Variants in ADAM2 observed in about 807,000 individuals in gnomAD.
The protein encoded by ADAM2 is ADAM metallopeptidase domain 2.
ADAM2 carries 101 observed loss-of-function variants against 99.3 expected under a neutral mutation model. That is an observed-to-expected ratio of 1.02 (90% CI 0.87 to 1.20). The LOEUF is 1.20. ADAM2 is among the 50% of genes most tolerant of loss of function. The probability of loss-of-function intolerance (pLI) is 0.00; values close to 1 mark genes in which losing one functional copy is unlikely to be tolerated. For synonymous variants in ADAM2, 323 were observed against 287.6 expected (o/e 1.12, Z -1.25); for missense variants, 948 against 878.7 (o/e 1.08, Z -1.00).
intron 4 of ADAM2, 146 bp downstream of exon 4, chr8:39,824,673 T>A: frequency 1.6e-6 from 1 of 631,604 alleles, no homozygotes; most frequent in South Asian, 1.9e-5. Context: ...ACTCAGTACA[T>A]CAGTATACAT....
intron 3 of ADAM2, among the ~76,000 whole-genome samples, chr8:39,832,740 T>C (rs1805667607): frequency 6.6e-6 from 1 of 152,168 alleles, no homozygotes; most frequent in Non-Finnish European, 1.5e-5. Flanking sequence ...TCACTGAGGA[T>C]ATGGTTACTA....
chr8:39,792,248 C>A (rs1281847483), intron 7 of ADAM2, among the ~76,000 whole-genome samples: 1 of 151,734 alleles, frequency 6.6e-6, no homozygotes, highest in Non-Finnish European at 1.5e-5. Flanking sequence ...AATGGCAAAA[C>A]CTTACTAAAC....
At chr8:39,822,446 C>T (rs1345867445) in intron 4 of ADAM2, among the ~76,000 whole-genome samples, 1 of 151,096 alleles carries the variant, frequency 6.6e-6, no homozygotes, top group Non-Finnish European at 1.5e-5. Flanking sequence ...CAAAAAGCTT[C>T]ACTTATTACC....
chr8:39,748,903 A>T (rs1354446187), intron 18 of ADAM2, among the ~76,000 whole-genome samples: 1 of 152,146 alleles, frequency 6.6e-6, no homozygotes, highest in Non-Finnish European at 1.5e-5. Flanking sequence ...ATAGTTATAT[A>T]TCATGCTAAA....
chr8:39,749,921 C>T (rs532392656), intron 16 of ADAM2, among the ~76,000 whole-genome samples, 177 bp from the exon 17 acceptor site: 1 of 152,166 alleles, frequency 6.6e-6, no homozygotes, highest in African/African-American at 2.4e-5. Flanking sequence ...ATGTTTCCAG[C>T]ACTAGATGAG....
chr8:39,837,980 G>A (rs1056110625), intron 1 of ADAM2, 151 bp downstream of exon 1: 2 of 797,072 alleles, frequency 2.5e-6, no homozygotes, highest in Non-Finnish European at 4.1e-6. Flanking sequence ...TTTTGGGTGG[G>A]GAAGGCGGCA....
intron 6 of ADAM2, among the ~76,000 whole-genome samples, chr8:39,820,296 A>G (rs886172804): frequency 6.6e-6 from 1 of 152,166 alleles, no homozygotes; most frequent in Non-Finnish European, 1.5e-5. Context: ...ATAAATTTTT[A>G]TATCCCATAG....
chr8:39,761,219 T>G lies in ADAM2; in HGVS notation c.1570A>C (p.Asn524His), dbSNP rs747338388. ...HLNSKTDVSG[N>H]CGISDSGYTQ... is the part of the protein sequence containing the mutation. ...TATCCTGAATCACTTATACCACAGT[T>G]TCCAGATACATCAGTCTTTGAATTA... Residue 524 changes from asparagine to histidine, a missense_variant, in exon 15 of 21, where the codon AAC becomes CAC. Coordinates refer to ENST00000265708, the MANE Select transcript of ADAM2 (RefSeq NM_001464.5). The G allele has an allele frequency of 6.2e-7, 1 of 1,604,452 alleles. No individual in the cohort carries two copies. Among genetic ancestry groups the G allele is most frequent in the Non-Finnish European group, 8.5e-7 (1 of 1,174,678 alleles).
At chr8:39,792,348 C>T (rs1803753414) in intron 7 of ADAM2, among the ~76,000 whole-genome samples, 1 of 151,890 alleles carries the variant, frequency 6.6e-6, no homozygotes, top group African/African-American at 2.4e-5. Context: ...TAAGCACTCC[C>T]AAATTAGGCA....
Position 39,787,064 on chromosome 8 carries a change from TA to T in ADAM2, c.810-10del, listed in dbSNP as rs758391763. On this transcript the variant is annotated splice_polypyrimidine_tract_variant and intron_variant, in intron 9 of 20. Transcript: ENST00000265708. ...TTGACTTTTCTCTGTAACTTAAGTT[TA>T]AAAAGGGATCATAATCATATAATTT... The T allele has an allele frequency of 1.3e-6, 2 of 1,545,374 alleles. No homozygotes were observed. Among genetic ancestry groups the T allele is most frequent in the Admixed American group, 1.8e-5 (1 of 56,094 alleles).
chr8:39,811,078 AG>A (rs1483820314), intron 6 of ADAM2, among the ~76,000 whole-genome samples: 1 of 152,214 alleles, frequency 6.6e-6, no homozygotes, highest in African/African-American at 2.4e-5. Flanking sequence ...AGAATCAAAA[AG>A]ACACAATAAA....
At chr8:39,811,095 A>T (rs1804674336) in intron 6 of ADAM2, among the ~76,000 whole-genome samples, 1 of 152,212 alleles carries the variant, frequency 6.6e-6, no homozygotes, top group Admixed American at 6.5e-5. Flanking sequence ...ATAAAAAATG[A>T]TAAAGGGGAT....
chr8:39,800,415 C>T (rs955890153), intron 7 of ADAM2, among the ~76,000 whole-genome samples: 12 of 152,220 alleles, frequency 7.9e-5, no homozygotes, highest in African/African-American at 2.9e-4. Flanking sequence ...GATGGGCTTC[C>T]CTTTGTAGGT....
chr8:39,833,918 T>C (rs773402963), intron 3 of ADAM2, 26 bp downstream of exon 3: 5 of 1,212,824 alleles, frequency 4.1e-6, no homozygotes, highest in African/African-American at 3.0e-5. Context: ...ACAAAGAGAA[T>C]TGATAAAATA....
chr8:39,838,092 AG>A (rs1181192173), intron 1 of ADAM2, 38 bp downstream of exon 1: 1 of 1,608,702 alleles, frequency 6.2e-7, no homozygotes. Context: ...AGTAGCGCTG[AG>A]GGTCCCAAAA....
At chr8:39,765,239 A>T (rs1164284359) in intron 14 of ADAM2, among the ~76,000 whole-genome samples, 1 of 152,128 alleles carries the variant, frequency 6.6e-6, no homozygotes, top group Non-Finnish European at 1.5e-5. Context: ...CATAGGGTAG[A>T]AAACATATAG....
intron 9 of ADAM2, among the ~76,000 whole-genome samples, chr8:39,787,755 T>G (rs1399832938): frequency 6.6e-6 from 1 of 151,644 alleles, no homozygotes; most frequent in Non-Finnish European, 1.5e-5. Context: ...ACAAGAAGGC[T>G]GAATTACTAT....
chr8:39,836,141 A>G (rs1805813027), intron 2 of ADAM2, among the ~76,000 whole-genome samples: 1 of 152,186 alleles, frequency 6.6e-6, no homozygotes, highest in African/African-American at 2.4e-5. Flanking sequence ...TCTAGGCAAG[A>G]AGAATACAGA....
chr8:39,827,074 T>C (rs1563384076), intron 3 of ADAM2, among the ~76,000 whole-genome samples: 2 of 151,324 alleles, frequency 1.3e-5, no homozygotes, highest in African/African-American at 2.4e-5. Context: ...ATGAGCAAAA[T>C]ACCTAAATAG....
Sources: allele counts gnomAD v4.1 joint callset (sites outside exome capture counted in the v4.1 genomes callset), GRCh38; gene constraint gnomAD v4.1.1; transcripts MANE v1.5; gene names NCBI Gene and HGNC (gene_info 2026-07-23, HGNC 2026-07-21).